STK24: variants seen among roughly 807,000 people sequenced by gnomAD.
STK24 encodes serine/threonine kinase 24, also known as serine/threonine-protein kinase 24.
In STK24, 21 loss-of-function variants were observed where a neutral mutation model predicts 55.6. That is an observed-to-expected ratio of 0.38 (90% CI 0.27 to 0.54). STK24 has a LOEUF of 0.54. STK24 is among the 20% of genes least tolerant of loss of function. The pLI is 0.79. For synonymous variants in STK24, 200 were observed against 215.2 expected (o/e 0.93, Z 0.62); for missense variants, 383 against 538.4 (o/e 0.71, Z 2.86).
chr13:98,475,341 T>C lies in STK24; in HGVS notation c.348A>G (p.Leu116=), dbSNP rs764136963. 6 of 1,611,194 alleles carry C rather than the reference T, an allele frequency of 3.7e-6. No individual in the cohort carries two copies. The African/African-American group carries it at 8.0e-5, about 22-fold the overall frequency. Residue 116 remains leucine, a synonymous_variant, in exon 4 of 11, where the codon TTA becomes TTG. Coordinates refer to ENST00000539966, the MANE Select transcript of STK24 (RefSeq NM_001032296.4). The part of the protein sequence containing the change: ...SALDLLEPGP[L]DETQIATILR... Reference sequence around the variant, plus strand: ...ATATAGTAGCGATCTGGGTTTCATCTAATGGGCCAGGTTCTAACTAAGAAG... The same window carrying C: ...ATATAGTAGCGATCTGGGTTTCATCCAATGGGCCAGGTTCTAACTAAGAAG...
intron 2 of STK24, among the ~76,000 whole-genome samples, chr13:98,503,150 A>G (rs1033692889): frequency 7.3e-5 from 11 of 149,688 alleles, no homozygotes; most frequent in African/African-American, 2.7e-4. Context: ...CAATTTACCA[A>G]GAGAGTGTTT....
Position 98,446,859 on chromosome 13 carries a change from A to T in STK24, c.*6314T>A. 2 of 1,595,718 alleles carry T rather than the reference A, an allele frequency of 1.3e-6. No individual in the cohort carries two copies. The highest frequency in any genetic ancestry group is 3.4e-5 in the Admixed American group (2 of 59,648). ...CACGCACAGGGCCCTGCAGAAGAGG[A>T]CCCCCTCTTCCAAACATCAGGATTT... On this transcript the variant is annotated 3_prime_UTR_variant, in exon 11 of 11. Coordinates refer to ENST00000539966, the MANE Select transcript of STK24 (RefSeq NM_001032296.4).
intron 2 of STK24, among the ~76,000 whole-genome samples, chr13:98,510,709 T>C (rs1159963016): frequency 6.6e-6 from 1 of 152,142 alleles, no homozygotes; most frequent in Non-Finnish European, 1.5e-5. Context: ...GTGTCCAGAA[T>C]ACGCAAATCT....
chr13:98,570,899 G>A (rs1344326488), intron 1 of STK24, among the ~76,000 whole-genome samples: 11 of 152,064 alleles, frequency 7.2e-5, no homozygotes, highest in East Asian at 1.9e-4. Flanking sequence ...CTGATTCTAC[G>A]CGATGAGACA....
chr13:98,550,831 C>T (rs1026077761), intron 1 of STK24, among the ~76,000 whole-genome samples: 4 of 152,170 alleles, frequency 2.6e-5, no homozygotes, highest in African/African-American at 9.7e-5. Context: ...CAGCTTACTG[C>T]TTCCAGTGTT....
rs1893695390 is a variant in STK24 at position 98,461,288 on chromosome 13, C to T, written c.1053+486G>A. 2.0e-5 allele frequency among the ~76,000 whole-genome samples: 3 copies of T among 152,340 alleles called. No homozygotes were observed. The South Asian group carries it at 6.2e-4, about 32-fold the overall frequency. Reference sequence around the variant, plus strand: ...AAAGAAACTACACCACTATGCTTTACAAGACCCTAAATATATGGCCTTTCA... The same window carrying T: ...AAAGAAACTACACCACTATGCTTTATAAGACCCTAAATATATGGCCTTTCA... On this transcript the variant is annotated intron_variant, in intron 8 of 10. Transcript: ENST00000539966.
intron 2 of STK24, among the ~76,000 whole-genome samples, chr13:98,496,332 A>G (rs1427735469): frequency 2.0e-5 from 3 of 152,218 alleles, no homozygotes; most frequent in Admixed American, 1.3e-4. Context: ...AAGGATAAAG[A>G]TTTTGTTTAT....
Position 98,461,871 on chromosome 13 carries a change from C to G in STK24, c.956G>C (p.Gly319Ala). ...DAETDGQASG[G>A]SDSGDWIFTI... ...GAAGATCCAGTCCCCAGAATCACTG[C>G]CCCCCGAGGCTTGGCCATCTGTTTC... The change falls in exon 8 of 11, where the codon GGC becomes GCC. Residue 319 changes from glycine to alanine, a missense_variant. Coordinates refer to ENST00000539966, the MANE Select transcript of STK24 (RefSeq NM_001032296.4). 2 of 1,614,002 alleles carry G rather than the reference C, an allele frequency of 1.2e-6. No individual in the cohort carries two copies. Among genetic ancestry groups the G allele is most frequent in the Non-Finnish European group, 1.7e-6 (2 of 1,179,914 alleles).
At chr13:98,513,080 G>A (rs1895940810) in intron 2 of STK24, among the ~76,000 whole-genome samples, 1 of 152,186 alleles carries the variant, frequency 6.6e-6, no homozygotes, top group Non-Finnish European at 1.5e-5. Context: ...CGCCTTCCCA[G>A]GCGCTGTGTG....
chr13:98,567,517 A>T (rs1395106830), intron 1 of STK24, among the ~76,000 whole-genome samples: 2 of 152,244 alleles, frequency 1.3e-5, no homozygotes, highest in Non-Finnish European at 2.9e-5. Context: ...GGGACCAAAA[A>T]AATGAGAGAA....
At chr13:98,571,488 A>G (rs1454650390) in intron 1 of STK24, among the ~76,000 whole-genome samples, 1 of 152,172 alleles carries the variant, frequency 6.6e-6, no homozygotes, top group African/African-American at 2.4e-5. Context: ...GAATACTCCC[A>G]GATCTGAGAC....
intron 2 of STK24, among the ~76,000 whole-genome samples, chr13:98,508,307 G>GTTAA (rs1566375519): frequency 1.3e-5 from 2 of 152,124 alleles, no homozygotes; most frequent in African/African-American, 4.8e-5. Context: ...AACAGAGGAC[G>GTTAA]CTTCAAAGTT....
chr13:98,448,459 GCGTTTTTTAACCC>G lies in STK24; in HGVS notation c.*4701_*4713del. The G allele has an allele frequency of 1.4e-6, 1 of 691,128 alleles. No homozygotes were observed. The highest frequency in any genetic ancestry group is 2.5e-6 in the Non-Finnish European group (1 of 397,380). The allele number at this position is 691,128 out of a possible 1,614,324, so 42.8% of individuals were successfully genotyped here. On this transcript the variant is annotated 3_prime_UTR_variant, in exon 11 of 11. Coordinates refer to ENST00000539966, the MANE Select transcript of STK24 (RefSeq NM_001032296.4). ...CAGCAGCTCTCCTGTCTCCACAGCC[GCGTTTTTTAACCC>G]CGACCTCTCAGCGTCTGAATGAACA...
intron 1 of STK24, among the ~76,000 whole-genome samples, chr13:98,561,064 G>A (rs1165826004): frequency 6.6e-6 from 1 of 152,200 alleles, no homozygotes; most frequent in East Asian, 1.9e-4. Context: ...GTATATGTGT[G>A]GACCCCAGTC....
chr13:98,496,289 A>G (rs1181085387), intron 2 of STK24, among the ~76,000 whole-genome samples: 1 of 152,250 alleles, frequency 6.6e-6, no homozygotes, highest in Non-Finnish European at 1.5e-5. Context: ...CAAAAGTGGA[A>G]GGGAGAATTG....
intron 1 of STK24, among the ~76,000 whole-genome samples, chr13:98,569,753 G>T (rs754997961): frequency 1.3e-5 from 2 of 151,940 alleles, no homozygotes; most frequent in Non-Finnish European, 2.9e-5. Flanking sequence ...CTCTCTGCTG[G>T]GGGAGAGCGG....
At chr13:98,485,839 A>G (rs1894784736) in intron 2 of STK24, among the ~76,000 whole-genome samples, 1 of 152,210 alleles carries the variant, frequency 6.6e-6, no homozygotes, top group Non-Finnish European at 1.5e-5. Context: ...AGCCCGCTAG[A>G]CACAGGCAGC....
chr13:98,574,066 C>T (rs1160849905), intron 1 of STK24, among the ~76,000 whole-genome samples: 3 of 151,894 alleles, frequency 2.0e-5, no homozygotes, highest in Non-Finnish European at 4.4e-5. Flanking sequence ...GGCTGGGGTG[C>T]AACGGCACAA....
intron 10 of STK24, 79 bp downstream of exon 10, chr13:98,457,089 A>C: frequency 6.5e-7 from 1 of 1,526,950 alleles, no homozygotes; most frequent in East Asian, 2.3e-5. Flanking sequence ...CCAAGAATCA[A>C]GTACCAAACT....
Sources: gnomAD v4.1 joint callset for allele counts (sites outside exome capture counted in the v4.1 genomes callset) on GRCh38, gnomAD v4.1.1 for gene constraint, MANE v1.5 for transcripts, NCBI Gene and HGNC (gene_info 2026-07-23, HGNC 2026-07-21) for gene names.